BMP6: variants seen among roughly 807,000 people sequenced by gnomAD.
BMP6 encodes the protein bone morphogenetic protein 6.
In BMP6, 17 loss-of-function variants were observed where a neutral mutation model predicts 54.1. The ratio of observed to expected loss-of-function variants is 0.31; its 90% CI spans 0.22 to 0.47. BMP6 has a LOEUF of 0.47. Ranked by LOEUF, BMP6 falls within the 20% of genes least tolerant of loss-of-function variation. BMP6 has a pLI of 1.00. For missense variants in BMP6, 720 were observed against 690.4 expected, an observed-to-expected ratio of 1.04 and a Z score of -0.48; for synonymous variants, 328 against 291.2, an observed-to-expected ratio of 1.13 and a Z score of -1.28.
Position 7,727,267 on chromosome 6 carries a change from C to G in BMP6, c.312C>G (p.Pro104=). ...RPLHGLQQPQ[P]PALRQQEEQQ... is the part of the protein sequence containing the mutation. Reference sequence around the variant, plus strand: ...TGCACGGCCTCCAACAGCCGCAGCCCCCGGCGCTCCGGCAGCAGGAGGAGC... The same window carrying G: ...TGCACGGCCTCCAACAGCCGCAGCCGCCGGCGCTCCGGCAGCAGGAGGAGC... Residue 104 remains proline (P), a synonymous_variant, in exon 1 of 7, where the codon CCC becomes CCG. Transcript: ENST00000283147. 6.2e-7 allele frequency: 1 copy of G among 1,605,818 alleles called. No homozygotes were observed. The highest frequency in any genetic ancestry group is 1.1e-5 in the South Asian group (1 of 90,438).
At position 7,880,926 on chromosome 6, in the gene BMP6, T is replaced by C. The variant is rs1359572721; in HGVS notation, c.*583T>C. The C allele has an allele frequency of 6.4e-6, 1 of 155,046 alleles. No individual in the cohort carries two copies. Among genetic ancestry groups the C allele is most frequent in the Non-Finnish European group, 1.4e-5 (1 of 69,724 alleles). 9.6% of individuals were successfully genotyped at this position (155,046 alleles called of 1,614,324 possible). A position where few individuals can be genotyped will look rare whatever the true frequency, so the allele number is the denominator to read the frequency against. ...CTGTTGTATGTTCGTGCTGGAGTTT[T>C]GTTGGTGTGAAAATACACTTATTTC... On this transcript the variant is annotated 3_prime_UTR_variant, in exon 7 of 7. Coordinates refer to ENST00000283147, the MANE Select transcript of BMP6 (RefSeq NM_001718.6).
At chr6:7,863,750 G>T (rs567148817) in intron 4 of BMP6, among the ~76,000 whole-genome samples, 2 of 152,334 alleles carry the variant, frequency 1.3e-5, no homozygotes, top group African/African-American at 4.8e-5. Flanking sequence ...AGGGTGCAGT[G>T]GCTCATGCCT....
At chr6:7,778,836 C>CACT (rs2113165303) in intron 1 of BMP6, among the ~76,000 whole-genome samples, 1 of 152,316 alleles carries the variant, frequency 6.6e-6, no homozygotes, top group South Asian at 2.1e-4. Context: ...TCCCGGAGGG[C>CACT]ACTGTCTATC....
At chr6:7,745,591 C>T (rs1006523627) in intron 1 of BMP6, among the ~76,000 whole-genome samples, 2 of 152,172 alleles carry the variant, frequency 1.3e-5, no homozygotes, top group African/African-American at 4.8e-5. Flanking sequence ...GGTTTTTAAA[C>T]TCAGGGAGTG....
chr6:7,794,013 C>T (rs770627666), intron 1 of BMP6, among the ~76,000 whole-genome samples: 1 of 152,208 alleles, frequency 6.6e-6, no homozygotes, highest in Admixed American at 6.5e-5. Context: ...ATCCACAGGC[C>T]TATCTGGGAG....
At chr6:7,799,831 ACT>A (rs1281250919) in intron 1 of BMP6, among the ~76,000 whole-genome samples, 4 of 151,642 alleles carry the variant, frequency 2.6e-5, no homozygotes, top group African/African-American at 9.7e-5. Context: ...TTTATTCTCT[ACT>A]CTCATTCACA....
At chr6:7,769,940 A>T (rs527494891) in intron 1 of BMP6, among the ~76,000 whole-genome samples, 2 of 152,228 alleles carry the variant, frequency 1.3e-5, no homozygotes, top group Non-Finnish European at 2.9e-5. Context: ...TCATTCTTGC[A>T]TCAAAAACCC....
At chr6:7,870,369 A>G (rs570093979) in intron 4 of BMP6, among the ~76,000 whole-genome samples, 35 of 152,374 alleles carry the variant, frequency 2.3e-4, no homozygotes, top group Admixed American at 1.6e-3. Context: ...TGCATCGTGC[A>G]GAAGGCCTAA....
chr6:7,737,749 A>G (rs1761976450), intron 1 of BMP6, among the ~76,000 whole-genome samples: 1 of 152,004 alleles, frequency 6.6e-6, no homozygotes, highest in South Asian at 2.1e-4. Flanking sequence ...CTATGGATCT[A>G]GCAGAGCAGA....
chr6:7,811,625 G>T (rs1288493957), intron 1 of BMP6, among the ~76,000 whole-genome samples: 1 of 152,196 alleles, frequency 6.6e-6, no homozygotes, highest in Non-Finnish European at 1.5e-5. Context: ...GTTCAGGGTA[G>T]TGTTCTTTTC....
In BMP6 at chr6:7,786,503, C is replaced by G. The variant is rs12530148; in HGVS notation, c.665-58637C>G. The stretch of plus-strand genomic sequence containing the variant: ...TTTTAAATAAAATCCCTCTGGAAAC[C>G]TTTCAGCTCACATCCTTGGCAATGC... On this transcript the variant is annotated intron_variant, in intron 1 of 6. Transcript: ENST00000283147. Among the ~76,000 whole-genome samples, 452 of 145,210 alleles carry G rather than the reference C, an allele frequency of 3.1e-3. 3 individuals carry two copies. Among genetic ancestry groups the G allele is most frequent in the African/African-American group, 0.011 (418 of 39,300 alleles).
At chr6:7,774,362 C>T (rs1757832651) in intron 1 of BMP6, among the ~76,000 whole-genome samples, 1 of 152,154 alleles carries the variant, frequency 6.6e-6, no homozygotes. Context: ...CCATCCTGAC[C>T]AACATGTCGA....
chr6:7,771,204 G>A (rs373785093), intron 1 of BMP6, among the ~76,000 whole-genome samples: 1 of 152,172 alleles, frequency 6.6e-6, no homozygotes, highest in East Asian at 1.9e-4. Flanking sequence ...TACCTGACAC[G>A]TAGTAAATGT....
intron 1 of BMP6, among the ~76,000 whole-genome samples, chr6:7,729,769 G>A (rs780173470): frequency 1.3e-5 from 2 of 152,230 alleles, no homozygotes; most frequent in Non-Finnish European, 2.9e-5. Context: ...AATCACGTGG[G>A]TGTTACGTGG....
chr6:7,754,472 A>G (rs1757479577), intron 1 of BMP6, among the ~76,000 whole-genome samples: 3 of 152,156 alleles, frequency 2.0e-5, no homozygotes, highest in Non-Finnish European at 4.4e-5. Context: ...ATCTCCAACT[A>G]TAATTAAGGA....
intron 1 of BMP6, among the ~76,000 whole-genome samples, chr6:7,750,320 C>T (rs574017092): frequency 6.6e-6 from 1 of 152,078 alleles, no homozygotes; most frequent in African/African-American, 2.4e-5. Flanking sequence ...CGTGTAGATA[C>T]ATGGAACTTC....
Position 7,856,657 on chromosome 6 carries a change from C to T in BMP6, c.858-4794C>T, listed in dbSNP as rs551795345. On this transcript the variant is annotated intron_variant, in intron 2 of 6. Coordinates refer to ENST00000283147, the MANE Select transcript of BMP6 (RefSeq NM_001718.6). ...TGTCGCCCAGGCTGGAGTGCAGTGGCGGGATCTCGGCTCACTGCAAGCTCC... is the reference window on the plus strand; with the variant it reads ...TGTCGCCCAGGCTGGAGTGCAGTGGTGGGATCTCGGCTCACTGCAAGCTCC... 2.3e-3 allele frequency among the ~76,000 whole-genome samples: 296 copies of T among 128,980 alleles called. 1 individual carries two copies. Among genetic ancestry groups the T allele is most frequent in the Non-Finnish European group, 3.8e-3 (245 of 63,762 alleles). 84.6% of individuals were successfully genotyped at this position (128,980 alleles called of 152,430 possible).
intron 1 of BMP6, among the ~76,000 whole-genome samples, chr6:7,785,337 A>G (rs1758005534): frequency 6.6e-6 from 1 of 152,100 alleles, no homozygotes; most frequent in Admixed American, 6.5e-5. Context: ...GTTTCTCTCA[A>G]TTTCTTTTCA....
chr6:7,785,308 T>C (rs146442631), intron 1 of BMP6, among the ~76,000 whole-genome samples: 6 of 152,250 alleles, frequency 3.9e-5, no homozygotes, highest in African/African-American at 1.4e-4. Flanking sequence ...TAGCTGGGAG[T>C]GTGGTGGCTA....
Sources: gnomAD v4.1 joint callset for allele counts (sites outside exome capture counted in the v4.1 genomes callset) on GRCh38, gnomAD v4.1.1 for gene constraint, MANE v1.5 for transcripts, NCBI Gene and HGNC (gene_info 2026-07-23, HGNC 2026-07-21) for gene names.